LMLN: variants seen among roughly 807,000 people sequenced by gnomAD.
The protein encoded by LMLN is leishmanolysin-like peptidase.
LMLN carries 70 observed loss-of-function variants against 92.3 expected under a neutral mutation model. The ratio of observed to expected loss-of-function variants is 0.76; its 90% CI spans 0.63 to 0.92. The LOEUF (loss-of-function observed/expected upper bound fraction) is 0.92. LMLN is among the 40% of genes least tolerant of loss of function. The pLI is 0.00. For synonymous variants in LMLN, 308 were observed against 296.2 expected (o/e 1.04, Z -0.41); for missense variants, 691 against 814.6 (o/e 0.85, Z 1.85).
exon 16 of LMLN, chr3:198,038,728 A>G: frequency 1.5e-6 from 2 of 1,313,146 alleles, no homozygotes. Flanking sequence ...ACAAAGCACA[A>G]AGTTTGAGTG....
intron 1 of LMLN, among the ~76,000 whole-genome samples, chr3:197,961,745 C>G (rs1456848735): frequency 6.6e-6 from 1 of 152,270 alleles, no homozygotes; most frequent in Middle Eastern, 3.4e-3. Context: ...TTCAATGCTA[C>G]AGGAAATTAC....
At chr3:197,974,913 A>G in intron 2 of LMLN, 129 bp from the exon 3 acceptor site, 1 of 680,518 alleles carries the variant, frequency 1.5e-6, no homozygotes, top group South Asian at 1.7e-5. Context: ...TAAAGGAATA[A>G]AAGAATGGCT....
At chr3:197,984,513 G>A (rs192094508) in intron 7 of LMLN, among the ~76,000 whole-genome samples, 240 of 152,084 alleles carry the variant, frequency 1.6e-3, no homozygotes, top group African/African-American at 5.4e-3. Context: ...GTTTTTTGAG[G>A]CCCCATGATG....
At position 198,028,984 on chromosome 3, in the gene LMLN, A is replaced by G. The variant is rs1187588736; in HGVS notation, c.1656+4196A>G. ...TGTCTGAACTGGCTGTGGACGTCTC[A>G]AGTACATTTGGTTGTACTTTGATCA... On this transcript the variant is annotated intron_variant, in intron 14 of 15. Coordinates refer to ENST00000330198, the Ensembl canonical transcript of LMLN. Among the ~76,000 whole-genome samples the G allele has an allele frequency of 3.3e-5, 5 of 152,342 alleles. No homozygotes were observed. The East Asian group carries it at 9.6e-4, about 29-fold the overall frequency.
chr3:198,033,337 A>G (rs954271274), intron 14 of LMLN, among the ~76,000 whole-genome samples: 2 of 152,168 alleles, frequency 1.3e-5, no homozygotes, highest in African/African-American at 4.8e-5. Flanking sequence ...TAATCATAAA[A>G]TAGTCTGGTA....
At chr3:198,003,360 C>A (rs901257324) in intron 11 of LMLN, among the ~76,000 whole-genome samples, 1 of 152,172 alleles carries the variant, frequency 6.6e-6, no homozygotes, top group African/African-American at 2.4e-5. Flanking sequence ...ATGAACATTT[C>A]TATTCAGCTT....
intron 9 of LMLN, 51 bp downstream of exon 9, chr3:197,990,727 A>T (rs187714002): frequency 1.2e-6 from 1 of 869,224 alleles, no homozygotes; most frequent in South Asian, 1.5e-5. Flanking sequence ...CTTTTCCTTT[A>T]CTGTGGTCCT....
At chr3:198,015,605 T>C (rs1722612905) in intron 11 of LMLN, among the ~76,000 whole-genome samples, 3 of 138,448 alleles carry the variant, frequency 2.2e-5, no homozygotes, top group South Asian at 2.5e-4. Context: ...GTCTGACTTC[T>C]CTCCACCCTT....
intron 14 of LMLN, among the ~76,000 whole-genome samples, chr3:198,029,154 G>A (rs561133747): frequency 3.3e-5 from 5 of 152,150 alleles, no homozygotes; most frequent in South Asian, 2.1e-4. Flanking sequence ...CTATAAAGAC[G>A]GTCAATACAG....
intron 11 of LMLN, among the ~76,000 whole-genome samples, chr3:198,017,479 G>A (rs114564007): frequency 0.015 from 2,325 of 152,300 alleles, 39 homozygotes; most frequent in Middle Eastern, 0.078. Context: ...TATGTTCGAA[G>A]CAACTAAAAC....
At chr3:197,965,115 A>C (rs929159079) in intron 1 of LMLN, among the ~76,000 whole-genome samples, 1 of 152,128 alleles carries the variant, frequency 6.6e-6, no homozygotes, top group Non-Finnish European at 1.5e-5. Context: ...CCTGTGTTCA[A>C]GCAGTCTCCC....
At chr3:197,977,155 A>G (rs1721406935) in intron 5 of LMLN, among the ~76,000 whole-genome samples, 2 of 152,232 alleles carry the variant, frequency 1.3e-5, no homozygotes, top group African/African-American at 2.4e-5. Context: ...AAATATGCCT[A>G]TTTAGGGTAT....
intron 11 of LMLN, among the ~76,000 whole-genome samples, chr3:198,001,945 G>A (rs1462158393): frequency 3.3e-5 from 5 of 151,992 alleles, no homozygotes; most frequent in African/African-American, 4.8e-5. Flanking sequence ...GAGCCACTGC[G>A]CCCAGCCCTG....
chr3:197,988,888 G>T (rs1254965938), intron 8 of LMLN, among the ~76,000 whole-genome samples: 2 of 152,048 alleles, frequency 1.3e-5, no homozygotes, highest in African/African-American at 4.8e-5. Context: ...CACCATGTTT[G>T]CCAGGTTTGG....
intron 4 of LMLN, 113 bp from the exon 5 acceptor site, chr3:197,976,485 A>T (rs1003017562): frequency 1.7e-6 from 1 of 578,482 alleles, no homozygotes; most frequent in African/African-American, 1.9e-5. Context: ...TGACTAAAAT[A>T]GTAACATTAT....
At chr3:197,960,543 C>G in intron 1 of LMLN, 103 bp downstream of exon 1, 1 of 1,078,858 alleles carries the variant, frequency 9.3e-7, no homozygotes, top group Non-Finnish European at 1.3e-6. Flanking sequence ...GATGAGAAAG[C>G]GAAATTGGGG....
chr3:197,965,021 A>AAAAG (rs1453566145), intron 1 of LMLN, among the ~76,000 whole-genome samples: 1 of 151,206 alleles, frequency 6.6e-6, no homozygotes, highest in Non-Finnish European at 1.5e-5. Flanking sequence ...AAAAAAAAAA[A>AAAAG]AAAGAAAGAA....
At chr3:198,030,837 G>A (rs1723058345) in intron 14 of LMLN, among the ~76,000 whole-genome samples, 1 of 152,210 alleles carries the variant, frequency 6.6e-6, no homozygotes, top group African/African-American at 2.4e-5. Flanking sequence ...AAGCATCACT[G>A]TTCCACTGTG....
chr3:198,010,134 GTTTA>G (rs946381366), intron 11 of LMLN, among the ~76,000 whole-genome samples: 2 of 151,958 alleles, frequency 1.3e-5, no homozygotes, highest in Non-Finnish European at 2.9e-5. Flanking sequence ...CTTGTTTTTG[GTTTA>G]TTTATTTAAT....
Sources: allele counts gnomAD v4.1 joint callset (sites outside exome capture counted in the v4.1 genomes callset), GRCh38; gene constraint gnomAD v4.1.1; transcripts MANE v1.5; gene names NCBI Gene and HGNC (gene_info 2026-07-23, HGNC 2026-07-21).